The following LRRC43 variants were observed in gnomAD, a reference collection of about 807,000 sequenced individuals.
LRRC43 encodes the protein leucine-rich repeat-containing protein 43.
Under a neutral mutation model 64.3 loss-of-function variants are expected in LRRC43, and 62 were observed. The observed-to-expected ratio is 0.96, with a 90% CI of 0.79 to 1.19. The LOEUF is 1.19. Ranked by LOEUF, LRRC43 falls within the 50% of genes most tolerant of loss-of-function variation. The pLI, the probability that LRRC43 is intolerant of heterozygous loss-of-function variation, is 0.00. For synonymous variants in LRRC43, 422 were observed against 382.3 expected, an observed-to-expected ratio of 1.10 and a Z score of -1.21; for missense variants, 868 against 845.0, an observed-to-expected ratio of 1.03 and a Z score of -0.34.
intron 1 of LRRC43, among the ~76,000 whole-genome samples, chr12:122,177,144 A>G (rs1953543345): frequency 6.6e-6 from 1 of 151,570 alleles, no homozygotes; most frequent in Admixed American, 6.6e-5. Flanking sequence ...CATGATTACT[A>G]TTCAGTTTAC....
chr12:122,180,242 G>C (rs796481377), upstream of LRRC43, among the ~76,000 whole-genome samples: 1 of 152,092 alleles, frequency 6.6e-6, no homozygotes, highest in African/African-American at 2.4e-5. Context: ...CATAGGCCAG[G>C]GGCGAGTGGC....
Position 122,170,428 on chromosome 12 carries a change from G to A in LRRC43, c.-406+2646G>A, listed in dbSNP as rs1003695477. On this transcript the variant is annotated intron_variant, in intron 1 of 5. Transcript: ENST00000537729. ...AGGCGGATCACAAGGTCAGGAGATC[G>A]AGACCATCCTGGCTAACACGGTGAA... Among the ~76,000 whole-genome samples the A allele has an allele frequency of 4.6e-5, 7 of 151,950 alleles. No homozygotes were observed. In the South Asian group the frequency reaches 8.3e-4, roughly 18 times the overall value.
At position 122,169,310 on chromosome 12, in the gene LRRC43, T is replaced by A. The variant is rs116804569; in HGVS notation, c.-406+1528T>A. On this transcript the variant is annotated intron_variant, in intron 1 of 5. Transcript: ENST00000537729. ...AGATTTCCTGTTTCTCCTTAAAGTT[T>A]CACCTGCTAACTTCAGCATTCTTCT... 7.2e-3 allele frequency among the ~76,000 whole-genome samples: 1,095 copies of A among 152,326 alleles called. 16 individuals carry two copies. Among genetic ancestry groups the A allele is most frequent in the African/African-American group, 0.023 (971 of 41,552 alleles).
rs368234675 is a variant in LRRC43 at position 122,200,319 on chromosome 12, G to A, written c.1480G>A (p.Val494Met). The change falls in exon 8 of 12, where the codon GTG becomes ATG. Residue 494 changes from valine to methionine, a missense_variant. Transcript: ENST00000339777. This position sits in a 1 kb window ranked among gnomAD's most constrained non-coding sequence, Gnocchi z 4.6. ...FLLAGTTVTI[V>M]EEKILSWPVV... ...GCTGGCGGGGACCACCGTGACCATC[G>A]TGGAGGAGAAGGTGGGCAGGCGGAG... 21 of 1,610,752 alleles carry A rather than the reference G, an allele frequency of 1.3e-5. No individual in the cohort carries two copies. Among genetic ancestry groups the A allele is most frequent in the South Asian group, 3.3e-5 (3 of 91,072 alleles).
chr12:122,176,196 G>A (rs952836385), intron 1 of LRRC43, among the ~76,000 whole-genome samples: 1 of 152,194 alleles, frequency 6.6e-6, no homozygotes. Flanking sequence ...AGGTGACATT[G>A]AAGAAGAGAC....
At chr12:122,193,225 G>T (rs181695776) in intron 7 of LRRC43, among the ~76,000 whole-genome samples, 1 of 150,976 alleles carries the variant, frequency 6.6e-6, no homozygotes, top group Non-Finnish European at 1.5e-5. Flanking sequence ...CTAAAAATAC[G>T]AAAAAATTAG....
rs1795242595 is a variant in LRRC43, at chr12:122,192,879, G to C, written c.1224G>C (p.Glu408Asp). Residue 408 changes from glutamate (E) to aspartate (D), a missense_variant, in exon 7 of 12, where the codon GAG becomes GAC. Coordinates refer to ENST00000339777, the MANE Select transcript of LRRC43 (RefSeq NM_001098519.2). ...GGTCTCTGGAGTCTGAGGTGGAGGA[G>C]TCAGGAGAGTCGGAGCTGTCTGTCA... The part of the protein sequence containing the change: ...VEGSLESEVE[E>D]SGESELSVIS... 1 of 1,614,202 alleles carries C rather than the reference G, an allele frequency of 6.2e-7. No individual in the cohort carries two copies. Among genetic ancestry groups the C allele is most frequent in the East Asian group, 2.2e-5 (1 of 44,876 alleles).
intron 1 of LRRC43, among the ~76,000 whole-genome samples, chr12:122,177,221 A>G (rs1953543907): frequency 6.6e-6 from 1 of 152,168 alleles, no homozygotes; most frequent in African/African-American, 2.4e-5. Context: ...CCCATAAAGC[A>G]GAAGAGGAAG....
At position 122,191,586 on chromosome 12, in the gene LRRC43, C is replaced by T. The variant is rs1566010454; in HGVS notation, c.1089+19C>T. On this transcript the variant is annotated intron_variant, in intron 6 of 11. Transcript: ENST00000339777. ...GGCCGAGGTGTGCCCTGGTCTGTCC[C>T]TAGGAGTATGGGGGGCTCTTGTGAA... The T allele has an allele frequency of 6.2e-7, 1 of 1,605,516 alleles. No homozygotes were observed. Among genetic ancestry groups the T allele is most frequent in the Middle Eastern group, 1.7e-4 (1 of 6,018 alleles).
intron 1 of LRRC43, among the ~76,000 whole-genome samples, chr12:122,177,476 AGTGTGTGTGTGT>A (rs67103998): frequency 0.012 from 1,747 of 143,570 alleles, 28 homozygotes; most frequent in African/African-American, 0.041. Context: ...TGAGAGAGAA[AGTGTGTGTGTGT>A]GTGTGTGTGT....
chr12:122,193,331 A>C (rs1161798593), intron 7 of LRRC43, among the ~76,000 whole-genome samples: 1 of 137,586 alleles, frequency 7.3e-6, no homozygotes, highest in African/African-American at 2.7e-5. Context: ...CAGTGAGCCG[A>C]GATCGTGCCA....
At chr12:122,168,208 A>G (rs961880728) in intron 1 of LRRC43, among the ~76,000 whole-genome samples, 2 of 149,908 alleles carry the variant, frequency 1.3e-5, no homozygotes, top group African/African-American at 4.9e-5. Context: ...TGGGAGGCCA[A>G]GGTGGGCGGA....
At chr12:122,172,593 T>C in intron 1 of LRRC43, 3 of 1,614,196 alleles carry the variant, frequency 1.9e-6, no homozygotes, top group Non-Finnish European at 2.5e-6. Context: ...TATGATCTCA[T>C]CAATAACAGA....
intron 1 of LRRC43, chr12:122,172,245 A>G: frequency 1.7e-6 from 1 of 587,746 alleles, no homozygotes; most frequent in South Asian, 2.1e-5. Flanking sequence ...AAGGTAATTC[A>G]CAAATTCACA....
intron 4 of LRRC43, among the ~76,000 whole-genome samples, chr12:122,188,207 C>G (rs993305984): frequency 6.6e-6 from 1 of 152,058 alleles, no homozygotes; most frequent in Non-Finnish European, 1.5e-5. Flanking sequence ...GCCGGGTTCA[C>G]GCCATTCTCC....
chr12:122,189,334 C>T (rs564694349), intron 4 of LRRC43: 14 of 439,090 alleles, frequency 3.2e-5, no homozygotes, highest in African/African-American at 8.0e-5. Flanking sequence ...ATGCCTGGAG[C>T]GGGCGGACGC....
At chr12:122,179,568 G>A (rs1953564851), upstream of LRRC43, among the ~76,000 whole-genome samples, 1 of 152,174 alleles carries the variant, frequency 6.6e-6, no homozygotes, top group Non-Finnish European at 1.5e-5. Flanking sequence ...AAGCCAGTAA[G>A]AGATGAGCAG....
At chr12:122,193,105 G>T in intron 7 of LRRC43, 101 bp downstream of exon 7, 1 of 1,304,852 alleles carries the variant, frequency 7.7e-7, no homozygotes. Context: ...GGCTGGCGGG[G>T]CGCGGTGGCT....
chr12:122,193,356 G>A (rs182026625), intron 7 of LRRC43, among the ~76,000 whole-genome samples: 8 of 133,726 alleles, frequency 6.0e-5, no homozygotes, highest in Non-Finnish European at 1.1e-4. Context: ...GCTCCAGCCC[G>A]GCGACAGAGC....
Sources: allele counts gnomAD v4.1 joint callset (sites outside exome capture counted in the v4.1 genomes callset), GRCh38; gene constraint gnomAD v4.1.1; non-coding constraint Gnocchi (gnomAD v3.1); transcripts MANE v1.5; gene names NCBI Gene and HGNC (gene_info 2026-07-23, HGNC 2026-07-21).